Variants in ENG observed in about 807,000 individuals in gnomAD.
ENG encodes endoglin.
ENG carries 17 observed loss-of-function variants against 71.0 expected under a neutral mutation model. That is an observed-to-expected ratio of 0.24 (90% CI 0.16 to 0.36). The LOEUF (loss-of-function observed/expected upper bound fraction) is 0.36. Among genes scored for constraint, ENG ranks in the 10% least tolerant of loss-of-function variants. The pLI, the probability that ENG is intolerant of heterozygous loss-of-function variation, is 1.00. For synonymous variants in ENG, 360 were observed against 366.9 expected (o/e 0.98, Z 0.21); for missense variants, 749 against 868.3 (o/e 0.86, Z 1.73).
Position 127,836,898 on chromosome 9 carries a change from C to T in ENG, c.219+6196G>A, listed in dbSNP as rs189497648. ...CGCCTCCTGGGTTCAAGTAATTCTGCTGGTTCAGCCTCCTGAGTAGCTGGG... is the reference window on the plus strand; with the variant it reads ...CGCCTCCTGGGTTCAAGTAATTCTGTTGGTTCAGCCTCCTGAGTAGCTGGG... On this transcript the variant is annotated intron_variant, in intron 2 of 14. Coordinates refer to ENST00000373203, the MANE Select transcript of ENG (RefSeq NM_001114753.3). The surrounding 1 kb of genome is among the most constrained non-coding windows in gnomAD (Gnocchi z 4.0). Among the ~76,000 whole-genome samples, 1 of 152,254 alleles carries T rather than the reference C, an allele frequency of 6.6e-6. No homozygotes were observed. The highest frequency in any genetic ancestry group is 1.5e-5 in the Non-Finnish European group (1 of 68,004).
At chr9:127,831,383 T>A (rs1744420150) in intron 2 of ENG, among the ~76,000 whole-genome samples, 1 of 149,996 alleles carries the variant, frequency 6.7e-6, no homozygotes, top group African/African-American at 2.5e-5. Flanking sequence ...GTTGGCTTTT[T>A]TTTTTTTTCT....
intron 1 of ENG, among the ~76,000 whole-genome samples, chr9:127,853,194 G>A (rs1200273348): frequency 1.3e-5 from 2 of 152,204 alleles, no homozygotes; most frequent in Non-Finnish European, 2.9e-5. Context: ...TCAGTTTCCT[G>A]TCAATCAGGT....
In ENG at chr9:127,816,214, G is replaced by T. The variant is rs368202607; in HGVS notation, c.1742-161C>A. 3.0e-4 allele frequency: 269 copies of T among 906,616 alleles called. No homozygotes were observed. In the East Asian group the frequency reaches 6.3e-3, roughly 21 times the overall value. 56.2% of individuals were successfully genotyped at this position (906,616 alleles called of 1,614,324 possible). Reference sequence around the variant, plus strand: ...TCTTGCAGCAAACGGGCTCATCACAGCCAGGCCTGGCATTGAGCCATGGTT... The same window carrying T: ...TCTTGCAGCAAACGGGCTCATCACATCCAGGCCTGGCATTGAGCCATGGTT... On this transcript the variant is annotated intron_variant, in intron 13 of 14. Transcript: ENST00000373203.
rs1830569316 is a variant in ENG, at chr9:127,824,890, C to G, written c.901G>C (p.Gly301Arg). The change falls in exon 7 of 15, where the codon GGG becomes CGG. Residue 301 changes from glycine (G) to arginine (R), a missense_variant. Coordinates refer to ENST00000373203, the MANE Select transcript of ENG (RefSeq NM_001114753.3). ...KLPDTPQGLL[G>R]EARMLNASIV... ...CTGGCATTGAGCATCCGGGCCTCCC[C>G]CAGGAGGCCTTGAGGTGTGTCTGGG... 1 of 1,613,520 alleles carries G rather than the reference C, an allele frequency of 6.2e-7. No homozygotes were observed. Among genetic ancestry groups the G allele is most frequent in the Non-Finnish European group, 8.5e-7 (1 of 1,179,748 alleles).
intron 8 of ENG, among the ~76,000 whole-genome samples, chr9:127,822,709 C>T (rs188179171): frequency 2.3e-4 from 35 of 152,284 alleles, no homozygotes; most frequent in African/African-American, 7.9e-4. Context: ...GAACACATCT[C>T]TTATGATTAC....
intron 13 of ENG, chr9:127,816,936 G>C: frequency 1.6e-6 from 1 of 629,828 alleles, no homozygotes; most frequent in Non-Finnish European, 2.8e-6. Flanking sequence ...GGCGGTCCCG[G>C]GCAAGGGCTC....
At position 127,825,430 on chromosome 9, in the gene ENG, G is replaced by GGGC. The variant is rs547196302; in HGVS notation, c.690-76_690-74dup. ...CGGGGAGCGAGGCCTGGCGTCGGGT[G>GGGC]GGCGGCGGCTGCACTCTTACCTGGC... On this transcript the variant is annotated intron_variant, in intron 5 of 14. Transcript: ENST00000373203. The GGGC allele has an allele frequency of 1.1e-4, 175 of 1,595,752 alleles. No homozygotes were observed. The African/African-American group carries it at 1.6e-3, about 14-fold the overall frequency.
chr9:127,854,026 G>C (rs1219345632), intron 1 of ENG, among the ~76,000 whole-genome samples: 2 of 152,252 alleles, frequency 1.3e-5, no homozygotes, highest in Non-Finnish European at 2.9e-5. Flanking sequence ...GGGAGTAATG[G>C]AACGCAGCTG....
rs142803546 is a variant in ENG, at chr9:127,824,343, G to A, written c.1095C>T (p.Asp365=). The change falls in exon 8 of 15, where the codon GAC becomes GAT. Residue 365 remains aspartate, a synonymous_variant. Coordinates refer to ENST00000373203, the MANE Select transcript of ENG (RefSeq NM_001114753.3). ...LMSLIQTKCA[D]DAMTLVLKKE... is the part of the protein sequence containing the mutation. The stretch of plus-strand genomic sequence containing the variant: ...TCTTTAGTACCAGGGTCATGGCGTC[G>A]TCGGCACACTTTGTCTGGATCAAGG... 4.9e-4 allele frequency: 785 copies of A among 1,613,980 alleles called. 3 individuals are homozygous for A. The highest frequency in any genetic ancestry group is 6.7e-4 in the Admixed American group (40 of 59,996).
intron 12 of ENG, 178 bp from the exon 13 acceptor site, chr9:127,817,381 A>C: frequency 1.4e-6 from 1 of 689,724 alleles, no homozygotes; most frequent in Non-Finnish European, 2.6e-6. Flanking sequence ...GAGGGTGCCT[A>C]GTGGACGATC....
chr9:127,853,536 CAAG>C (rs1829082442), intron 1 of ENG, among the ~76,000 whole-genome samples: 1 of 152,152 alleles, frequency 6.6e-6, no homozygotes, highest in Non-Finnish European at 1.5e-5. Context: ...GCCCCCAGGC[CAAG>C]GAGCCCCACA....
chr9:127,831,173 T>C (rs1454034879), intron 2 of ENG, among the ~76,000 whole-genome samples: 2 of 151,682 alleles, frequency 1.3e-5, no homozygotes. Context: ...TTTTTTTTTT[T>C]TTTTAGAGAC....
At position 127,818,304 on chromosome 9, in the gene ENG, C is replaced by T. The variant is rs2131876010; in HGVS notation, c.1502G>A (p.Gly501Glu). 6.2e-7 allele frequency: 1 copy of T among 1,614,038 alleles called. No homozygotes were observed. Among genetic ancestry groups the T allele is most frequent in the Non-Finnish European group, 8.5e-7 (1 of 1,180,018 alleles). ...DSCHLDLGPE[G>E]GTVELIQGRA... ...GCCCTGGATGAGTTCCACGGTGCCT[C>T]CCTCAGGCCCCAAGTCCAGGTGGCA... is the stretch of plus-strand genomic sequence containing the variant. The change falls in exon 12 of 15, where the codon GGA (glycine) becomes GAA (glutamate). Residue 501 changes from glycine (G) to glutamate (E), a missense_variant. Coordinates refer to ENST00000373203, the MANE Select transcript of ENG (RefSeq NM_001114753.3).
At chr9:127,849,944 A>G (rs1359504300) in intron 1 of ENG, among the ~76,000 whole-genome samples, 3 of 152,248 alleles carry the variant, frequency 2.0e-5, no homozygotes, top group Admixed American at 1.3e-4. Flanking sequence ...CTGACAGTAC[A>G]CATACCACGC....
chr9:127,821,810 G>A (rs1461377983), intron 8 of ENG, among the ~76,000 whole-genome samples: 1 of 151,638 alleles, frequency 6.6e-6, no homozygotes, highest in Non-Finnish European at 1.5e-5. Flanking sequence ...TTGAACCCGG[G>A]AGGCAGAGGT....
chr9:127,817,485 C>T (rs1830354999), intron 12 of ENG: 1 of 517,560 alleles, frequency 1.9e-6, no homozygotes, highest in Non-Finnish European at 3.5e-6. Context: ...CCCTTGTGAA[C>T]ACTTTGGAGC....
rs1060501416 is a variant in ENG at position 127,819,616 on chromosome 9, T to C, written c.1311+6A>G. 10 of 1,613,084 alleles carry C rather than the reference T, an allele frequency of 6.2e-6. No homozygotes were observed. In the Admixed American group the frequency reaches 1.0e-4, roughly 16 times the overall value. ...AGGTGGGTTAGCACGTGACTGTCCA[T>C]CTCACCCGCTGTGGTGATGAGCTCG... On this transcript the variant is annotated splice_donor_region_variant and intron_variant, in intron 10 of 14. Coordinates refer to ENST00000373203, the MANE Select transcript of ENG (RefSeq NM_001114753.3).
intron 8 of ENG, among the ~76,000 whole-genome samples, chr9:127,820,907 C>T (rs780305536): frequency 3.3e-5 from 5 of 152,066 alleles, no homozygotes; most frequent in African/African-American, 9.7e-5. Flanking sequence ...GGCATGCAAA[C>T]CCTGCAAGCA....
rs1346361168 is a variant in ENG at position 127,818,388 on chromosome 9, A to G, written c.1429-11T>C. On this transcript the variant is annotated splice_polypyrimidine_tract_variant and intron_variant, in intron 11 of 14. Coordinates refer to ENST00000373203, the MANE Select transcript of ENG (RefSeq NM_001114753.3). The stretch of plus-strand genomic sequence containing the variant: ...TGGGGACACTCTGACCTGCATGGGT[A>G]GGTAGGGCCACGCGGCATGGGCAGC... 3.7e-6 allele frequency: 6 copies of G among 1,612,794 alleles called. No individual in the cohort carries two copies. The highest frequency in any genetic ancestry group is 8.5e-7 in the Non-Finnish European group (1 of 1,179,980).
Sources: gnomAD v4.1 joint callset for allele counts (sites outside exome capture counted in the v4.1 genomes callset) on GRCh38, gnomAD v4.1.1 for gene constraint, Gnocchi (gnomAD v3.1) non-coding constraint, MANE v1.5 for transcripts, NCBI Gene and HGNC (gene_info 2026-07-23, HGNC 2026-07-21) for gene names.